The following CMIP variants were observed in gnomAD, a reference collection of about 807,000 sequenced individuals.
CMIP encodes the protein C-Maf-inducing protein.
CMIP carries 13 observed loss-of-function variants against 97.3 expected under a neutral mutation model. That is an observed-to-expected ratio of 0.13 (90% CI 0.09 to 0.21). The LOEUF is 0.21. Among genes scored for constraint, CMIP ranks in the 10% least tolerant of loss-of-function variants. The probability of loss-of-function intolerance (pLI) is 1.00; values close to 1 mark genes in which losing one functional copy is unlikely to be tolerated. For synonymous variants in CMIP, 538 were observed against 436.3 expected (o/e 1.23, Z -2.91); for missense variants, 847 against 1,024.9 (o/e 0.83, Z 2.37).
chr16:81,520,566 G>GC, intron 1 of CMIP: 1 of 119,228 alleles, frequency 8.4e-6, no homozygotes, highest in African/African-American at 3.3e-5. Flanking sequence ...GAGGGAGGAA[G>GC]GGGGAGAGAG....
In CMIP at chr16:81,640,295, C is replaced by T. The variant is rs1017898578; in HGVS notation, c.478-11908C>T. Among the ~76,000 whole-genome samples, 8 of 151,150 alleles carry T rather than the reference C, an allele frequency of 5.3e-5. No individual in the cohort carries two copies. The East Asian group carries it at 7.8e-4, about 15-fold the overall frequency. On this transcript the variant is annotated intron_variant, in intron 3 of 20. Transcript: ENST00000537098. ...CAGGATAGGACATCAGGCCCCCCCC[C>T]CCCCAATTCCCCAGGGAAAGAAAAC...
intron 1 of CMIP, among the ~76,000 whole-genome samples, chr16:81,452,906 C>CTTTTTTTTTTT (rs1906322174): frequency 1.8e-5 from 1 of 54,520 alleles, no homozygotes; most frequent in African/African-American, 7.8e-5. Flanking sequence ...TTTTTTTTTG[C>CTTTTTTTTTTT]AAACCTGGCT....
At chr16:81,462,881 C>G (rs1263494364) in intron 1 of CMIP, among the ~76,000 whole-genome samples, 2 of 152,190 alleles carry the variant, frequency 1.3e-5, no homozygotes, top group Non-Finnish European at 2.9e-5. Context: ...CCTCCCTGAC[C>G]TGTAAAGCAG....
intron 1 of CMIP, among the ~76,000 whole-genome samples, chr16:81,454,960 T>A (rs1049973740): frequency 2.6e-5 from 4 of 152,152 alleles, no homozygotes; most frequent in Non-Finnish European, 5.9e-5. Flanking sequence ...CCAGAGCGGC[T>A]GGGCACATTC....
chr16:81,492,996 G>A (rs886289133), intron 1 of CMIP, among the ~76,000 whole-genome samples: 1 of 152,130 alleles, frequency 6.6e-6, no homozygotes, highest in Admixed American at 6.5e-5. Flanking sequence ...ATTGCTCCCT[G>A]CGCCCCTGGA....
intron 6 of CMIP, 106 bp downstream of exon 6, chr16:81,661,052 G>A (rs915778249): frequency 1.4e-5 from 19 of 1,388,782 alleles, no homozygotes; most frequent in Admixed American, 1.7e-5. Context: ...GGGCCCCACC[G>A]TCTTGGGTCA....
chr16:81,618,335 C>A lies in CMIP; in HGVS notation c.427-2541C>A, dbSNP rs1467036801. On this transcript the variant is annotated intron_variant, in intron 2 of 20. Transcript: ENST00000537098. The stretch of plus-strand genomic sequence containing the variant: ...CTCTGACCTCTGCTTTAGTCTGACT[C>A]TGCCCTCCTGCCTCCCTCTTGTGAG... Among the ~76,000 whole-genome samples the A allele has an allele frequency of 2.0e-5, 3 of 152,182 alleles. No individual in the cohort carries two copies. The East Asian group carries it at 5.8e-4, about 29-fold the overall frequency.
chr16:81,682,455 C>T (rs1904966466), intron 10 of CMIP, among the ~76,000 whole-genome samples: 2 of 152,064 alleles, frequency 1.3e-5, no homozygotes, highest in African/African-American at 4.8e-5. Flanking sequence ...ATCCCAGCTA[C>T]TTGGGAGGCT....
chr16:81,691,710 CA>C, intron 10 of CMIP, 64 bp from the exon 11 acceptor site: 12 of 1,442,082 alleles, frequency 8.3e-6, no homozygotes, highest in East Asian at 2.3e-5. Flanking sequence ...CATCTGGGAC[CA>C]AAAACAGTGC....
intron 3 of CMIP, chr16:81,630,646 T>C (rs948736269): frequency 2.0e-5 from 3 of 152,068 alleles, no homozygotes; most frequent in Middle Eastern, 3.4e-3. Context: ...GAAGGCAGAA[T>C]GGTGGGGAGG....
chr16:81,494,525 A>G (rs1240308964), intron 1 of CMIP, among the ~76,000 whole-genome samples: 1 of 152,174 alleles, frequency 6.6e-6, no homozygotes, highest in East Asian at 1.9e-4. Flanking sequence ...TAAGCGGAAC[A>G]GGACACACTC....
At chr16:81,706,748 G>T (rs1908193546) in intron 19 of CMIP, among the ~76,000 whole-genome samples, 1 of 152,162 alleles carries the variant, frequency 6.6e-6, no homozygotes, top group African/African-American at 2.4e-5. Flanking sequence ...AGGCAGTGGG[G>T]GCACACGACA....
At chr16:81,561,284 G>T (rs1380501604) in intron 1 of CMIP, among the ~76,000 whole-genome samples, 14 of 152,170 alleles carry the variant, frequency 9.2e-5, no homozygotes, top group Non-Finnish European at 1.5e-5. Context: ...TATTTTAGGT[G>T]ATCATAGATG....
Position 81,629,134 on chromosome 16 carries a change from TAAAAAAAAAAAA to T in CMIP, c.477+8229_477+8240del, listed in dbSNP as rs10533097. On this transcript the variant is annotated intron_variant, in intron 3 of 20. Transcript: ENST00000537098. The stretch of plus-strand genomic sequence containing the variant: ...CTGGGTGACAGAGTGAAACTGTGCT[TAAAAAAAAAAAA>T]AAAAAAAAAAAAAAAAAAAAGATAA... Among the ~76,000 whole-genome samples the T allele has an allele frequency of 7.4e-4, 34 of 45,694 alleles. 1 individual carries two copies. The highest frequency in any genetic ancestry group is 3.0e-3 in the South Asian group (2 of 674). 30.0% of individuals were successfully genotyped at this position (45,694 alleles called of 152,430 possible). A position where few individuals can be genotyped will look rare whatever the true frequency, so the allele number is the denominator to read the frequency against.
intron 1 of CMIP, among the ~76,000 whole-genome samples, chr16:81,527,293 G>T (rs1011823173): frequency 6.6e-6 from 1 of 152,132 alleles, no homozygotes; most frequent in African/African-American, 2.4e-5. Flanking sequence ...TTCACAGCCT[G>T]CATGCCAGAA....
At position 81,652,519 on chromosome 16, in the gene CMIP, G is replaced by T. The variant is rs896530832; in HGVS notation, c.639+155G>T. Among the ~76,000 whole-genome samples, 3 of 152,320 alleles carry T rather than the reference G, an allele frequency of 2.0e-5. No individual in the cohort carries two copies. Among genetic ancestry groups the T allele is most frequent in the African/African-American group, 7.2e-5 (3 of 41,584 alleles). On this transcript the variant is annotated intron_variant, in intron 4 of 20. Coordinates refer to ENST00000537098, the MANE Select transcript of CMIP (RefSeq NM_198390.3). The surrounding 1 kb of genome is among the most constrained non-coding windows in gnomAD (Gnocchi z 5.2). ...TGAGCAGTTGCCCACCCAGCCGTGT[G>T]TGGGAGTTGGGAGAGGGAGGCTTGC...
At chr16:81,687,080 G>A (rs1905482111) in intron 10 of CMIP, among the ~76,000 whole-genome samples, 1 of 152,246 alleles carries the variant, frequency 6.6e-6, no homozygotes, top group Non-Finnish European at 1.5e-5. Flanking sequence ...GGCACCTGGT[G>A]GCACTTGCTA....
At chr16:81,643,203 T>A (rs2092326648) in intron 3 of CMIP, among the ~76,000 whole-genome samples, 1 of 152,224 alleles carries the variant, frequency 6.6e-6, no homozygotes, top group Non-Finnish European at 1.5e-5. Flanking sequence ...AGAACCTTGC[T>A]GCTTAGAGGG....
intron 7 of CMIP, among the ~76,000 whole-genome samples, chr16:81,668,864 A>G (rs1487383274): frequency 7.0e-6 from 1 of 143,802 alleles, no homozygotes; most frequent in East Asian, 2.1e-4. Context: ...TGCCTTCCAC[A>G]CCCACCTCAC....
Sources: allele counts gnomAD v4.1 joint callset (sites outside exome capture counted in the v4.1 genomes callset), GRCh38; gene constraint gnomAD v4.1.1; non-coding constraint Gnocchi (gnomAD v3.1); transcripts MANE v1.5; gene names NCBI Gene and HGNC (gene_info 2026-07-23, HGNC 2026-07-21).